The following ST18 variants were observed in gnomAD, a reference collection of about 807,000 sequenced individuals.
ST18 encodes the protein suppression of tumorigenicity 18 protein.
A neutral mutation model predicts 110.0 loss-of-function variants in ST18; 50 were observed. The observed-to-expected ratio is 0.45, with a 90% CI of 0.36 to 0.58. The LOEUF is 0.58. ST18 is among the 20% of genes least tolerant of loss of function. The pLI is 0.00. For missense variants in ST18, 1,306 were observed against 1,280.1 expected (o/e 1.02, Z -0.31); for synonymous variants, 461 against 452.4 (o/e 1.02, Z -0.24).
chr8:52,177,218 G>A lies in ST18; in HGVS notation c.277+2904C>T, dbSNP rs141019012. ...GCAAGCTCGTCTCCTCAGGAAGGAA[G>A]AGGTAACTGCATGGTTTGTCCATGT... On this transcript the variant is annotated intron_variant, in intron 9 of 25. Transcript: ENST00000689386. Among the ~76,000 whole-genome samples the A allele has an allele frequency of 5.3e-3, 809 of 152,328 alleles. 8 individuals are homozygous for A. The highest frequency in any genetic ancestry group is 0.019 in the African/African-American group (779 of 41,576).
At chr8:52,202,022 C>A (rs1447473523) in intron 8 of ST18, among the ~76,000 whole-genome samples, 1 of 152,110 alleles carries the variant, frequency 6.6e-6, no homozygotes, top group Non-Finnish European at 1.5e-5. Flanking sequence ...AGTTGAGGGG[C>A]CAATGGAAAC....
intron 2 of ST18, among the ~76,000 whole-genome samples, chr8:52,242,663 C>T (rs780659266): frequency 2.6e-5 from 4 of 151,942 alleles, no homozygotes; most frequent in African/African-American, 4.8e-5. Context: ...GCCAACATGG[C>T]GAAAACCCAT....
At chr8:52,283,022 C>T (rs1245777890) in intron 2 of ST18, among the ~76,000 whole-genome samples, 3 of 152,188 alleles carry the variant, frequency 2.0e-5, no homozygotes, top group Non-Finnish European at 4.4e-5. Context: ...TAAGGGGCTA[C>T]AGTCCAGCCT....
chr8:52,199,735 C>G (rs2077334330), intron 8 of ST18, among the ~76,000 whole-genome samples: 1 of 152,160 alleles, frequency 6.6e-6, no homozygotes, highest in South Asian at 2.1e-4. Flanking sequence ...AAGGAGCAAT[C>G]TCTAGTCCTA....
At chr8:52,153,626 G>A (rs376683719) in intron 15 of ST18, among the ~76,000 whole-genome samples, 1 of 152,100 alleles carries the variant, frequency 6.6e-6, no homozygotes, top group Admixed American at 6.5e-5. Context: ...ACTAATGTAA[G>A]GTATAAAATT....
At chr8:52,183,065 C>A (rs2070500263) in intron 8 of ST18, among the ~76,000 whole-genome samples, 1 of 152,132 alleles carries the variant, frequency 6.6e-6, no homozygotes, top group Non-Finnish European at 1.5e-5. Flanking sequence ...ATATTTGAAT[C>A]CAAGTCTATA....
At chr8:52,301,808 C>T (rs1470842842) in intron 2 of ST18, 1 of 152,202 alleles carries the variant, frequency 6.6e-6, no homozygotes, top group African/African-American at 2.4e-5. Context: ...TTATGCCTTT[C>T]ATCCTTCCTC....
chr8:52,142,886 T>C (rs1214497171), intron 17 of ST18, 44 bp downstream of exon 17: 1 of 1,378,160 alleles, frequency 7.3e-7, no homozygotes, highest in South Asian at 1.2e-5. Flanking sequence ...AACTTGAATC[T>C]TCATTCCAGA....
At chr8:52,136,468 C>T (rs2052345538) in intron 19 of ST18, 122 bp downstream of exon 19, 2 of 948,112 alleles carry the variant, frequency 2.1e-6, no homozygotes, top group Non-Finnish European at 3.2e-6. Context: ...AGTGCCTTTG[C>T]TGTGATCCTG....
chr8:52,279,884 G>A (rs1025073308), intron 2 of ST18, among the ~76,000 whole-genome samples: 3 of 152,162 alleles, frequency 2.0e-5, no homozygotes, highest in Admixed American at 2.0e-4. Context: ...CAGGAGGAAA[G>A]AGATCACCCA....
At chr8:52,114,717 G>A (rs2041907727) in intron 25 of ST18, among the ~76,000 whole-genome samples, 1 of 152,164 alleles carries the variant, frequency 6.6e-6, no homozygotes, top group South Asian at 2.1e-4. Flanking sequence ...CCACTCTGCA[G>A]GGCCGGGCCC....
intron 2 of ST18, among the ~76,000 whole-genome samples, chr8:52,311,056 A>G (rs1263694122): frequency 6.6e-6 from 1 of 152,212 alleles, no homozygotes; most frequent in East Asian, 1.9e-4. Flanking sequence ...TAAAGACAGA[A>G]AACTCCAAGA....
chr8:52,280,876 C>T (rs1481113314), intron 2 of ST18, among the ~76,000 whole-genome samples: 7 of 151,908 alleles, frequency 4.6e-5, no homozygotes, highest in Admixed American at 3.9e-4. Context: ...CAGACTTGAG[C>T]TAAAAGACAC....
At chr8:52,234,727 T>TGG (rs34937137) in intron 2 of ST18, among the ~76,000 whole-genome samples, 13 of 107,944 alleles carry the variant, frequency 1.2e-4, no homozygotes, top group African/African-American at 5.3e-4. Flanking sequence ...AAAGAAACTA[T>TGG]GGTGTGTGTG....
At chr8:52,206,139 AG>A (rs1232194841) in intron 8 of ST18, among the ~76,000 whole-genome samples, 4 of 152,116 alleles carry the variant, frequency 2.6e-5, no homozygotes, top group Non-Finnish European at 5.9e-5. Context: ...CCAGGTATAA[AG>A]CACTTAACTT....
intron 2 of ST18, among the ~76,000 whole-genome samples, chr8:52,235,230 C>T (rs1295586630): frequency 1.3e-5 from 2 of 152,124 alleles, no homozygotes; most frequent in African/African-American, 4.8e-5. Context: ...ATTCTTGCCT[C>T]GTGGTAAGCT....
chr8:52,267,483 T>TA (rs57769643), intron 2 of ST18, among the ~76,000 whole-genome samples: 59,746 of 114,678 alleles, frequency 0.52, 15,447 homozygotes, highest in East Asian at 0.71. Context: ...AGAGATAAGC[T>TA]AAAAAAAAAA....
rs115680966 is a variant in ST18, at chr8:52,395,912, A to G, written c.-465+13416T>C. ...CAGAATTACTAAAAATGATATGTTT[A>G]TGGAAATTGAAAAGCATGCAAACAC... On this transcript the variant is annotated intron_variant, in intron 2 of 25. Transcript: ENST00000689386. 3.1e-3 allele frequency among the ~76,000 whole-genome samples: 469 copies of G among 152,388 alleles called. 2 individuals carry two copies. The highest frequency in any genetic ancestry group is 0.011 in the African/African-American group (449 of 41,598).
At chr8:52,130,799 T>G (rs181342229) in intron 22 of ST18, among the ~76,000 whole-genome samples, 1 of 152,348 alleles carries the variant, frequency 6.6e-6, no homozygotes, top group East Asian at 1.9e-4. Flanking sequence ...CTGAGGGATG[T>G]GCTCACCACA....
Sources: gnomAD v4.1 joint callset for allele counts (sites outside exome capture counted in the v4.1 genomes callset) on GRCh38, gnomAD v4.1.1 for gene constraint, MANE v1.5 for transcripts, NCBI Gene and HGNC (gene_info 2026-07-23, HGNC 2026-07-21) for gene names.